BICDL1: variants seen among roughly 807,000 people sequenced by gnomAD.
BICDL1 encodes BICD family-like cargo adapter 1.
In BICDL1, 20 loss-of-function variants were observed where a neutral mutation model predicts 76.8. The observed-to-expected ratio is 0.26, with a 90% CI of 0.18 to 0.38. The LOEUF is 0.38. Among genes scored for constraint, BICDL1 ranks in the 10% least tolerant of loss-of-function variants. The pLI is 1.00. For synonymous variants in BICDL1, 383 were observed against 337.1 expected (o/e 1.14, Z -1.49); for missense variants, 700 against 798.6 (o/e 0.88, Z 1.49).
At chr12:120,039,635 C>T (rs1246373538) in intron 2 of BICDL1, among the ~76,000 whole-genome samples, 2 of 72,608 alleles carry the variant, frequency 2.8e-5, no homozygotes, top group African/African-American at 1.9e-4. Context: ...GAGACTCCGT[C>T]TCAAAAAAAA....
chr12:120,035,024 T>C (rs1204743556), intron 2 of BICDL1, among the ~76,000 whole-genome samples: 1 of 152,198 alleles, frequency 6.6e-6, no homozygotes, highest in African/African-American at 2.4e-5. Context: ...GTTTCTGTAA[T>C]TGTTGCTCCA....
intron 2 of BICDL1, among the ~76,000 whole-genome samples, chr12:120,038,898 G>A (rs1952577330): frequency 6.6e-6 from 1 of 152,140 alleles, no homozygotes; most frequent in Admixed American, 6.5e-5. Context: ...TTCAGGGTGG[G>A]TACTCAGTAC....
chr12:120,091,279 C>T, intron 9 of BICDL1: 3 of 1,102,684 alleles, frequency 2.7e-6, no homozygotes, highest in African/African-American at 3.3e-5. Flanking sequence ...GACCAGCAGG[C>T]CTGGAATGAT....
chr12:120,045,443 C>T (rs150832462), intron 2 of BICDL1, among the ~76,000 whole-genome samples: 11,813 of 152,160 alleles, frequency 0.078, 871 homozygotes, highest in East Asian at 0.4. Flanking sequence ...GACTATAAAT[C>T]ATGCTGCTTT....
At chr12:120,004,815 A>G (rs896889124) in intron 2 of BICDL1, among the ~76,000 whole-genome samples, 12 of 152,004 alleles carry the variant, frequency 7.9e-5, no homozygotes, top group African/African-American at 2.7e-4. Context: ...TAAGTTTTAT[A>G]GATTTGTTTG....
At chr12:120,068,278 G>T (rs964070140) in intron 4 of BICDL1, among the ~76,000 whole-genome samples, 3 of 152,174 alleles carry the variant, frequency 2.0e-5, no homozygotes, top group African/African-American at 7.2e-5. Flanking sequence ...TTTTATAAAA[G>T]AATAAATTAG....
intron 2 of BICDL1, among the ~76,000 whole-genome samples, chr12:120,011,047 C>T (rs1951942631): frequency 6.6e-6 from 1 of 152,206 alleles, no homozygotes; most frequent in Non-Finnish European, 1.5e-5. Flanking sequence ...AGTAGCCTAA[C>T]AGGAATTAAA....
intron 2 of BICDL1, among the ~76,000 whole-genome samples, chr12:120,060,922 A>C (rs1953091261): frequency 6.6e-6 from 1 of 151,926 alleles, no homozygotes; most frequent in Admixed American, 6.6e-5. Context: ...TACTGACCCC[A>C]TTTGGCCTCA....
At chr12:120,042,657 T>C (rs980359520) in intron 2 of BICDL1, among the ~76,000 whole-genome samples, 1 of 151,906 alleles carries the variant, frequency 6.6e-6, no homozygotes, top group African/African-American at 2.4e-5. Flanking sequence ...ATACAAAAAT[T>C]AGCTGCGTTT....
At chr12:120,077,951 C>G (rs973644400) in intron 7 of BICDL1, among the ~76,000 whole-genome samples, 1 of 152,178 alleles carries the variant, frequency 6.6e-6, no homozygotes, top group East Asian at 1.9e-4. Context: ...AGCCGCACAG[C>G]CTGCGTCCCT....
intron 2 of BICDL1, among the ~76,000 whole-genome samples, chr12:120,021,219 G>A (rs1023859044): frequency 1.3e-5 from 2 of 151,952 alleles, no homozygotes; most frequent in African/African-American, 4.8e-5. Flanking sequence ...AGAAGGCAGA[G>A]GTTACAGTGA....
At chr12:120,085,569 G>A (rs940148122) in intron 8 of BICDL1, among the ~76,000 whole-genome samples, 2 of 152,170 alleles carry the variant, frequency 1.3e-5, no homozygotes, top group Non-Finnish European at 2.9e-5. Flanking sequence ...TAGCACTTTG[G>A]GAGGCCAAAA....
At position 120,079,333 on chromosome 12, in the gene BICDL1, G is replaced by A. The variant is rs2138978166; in HGVS notation, c.1453-1554G>A. Among the ~76,000 whole-genome samples the A allele has an allele frequency of 6.6e-6, 1 of 152,320 alleles. No individual in the cohort carries two copies. ...AATGTCTGAAATGTATTGATTTTCAGACACTTCAAGATCAAGGGAAGCTTG... is the reference window on the plus strand; with the variant it reads ...AATGTCTGAAATGTATTGATTTTCAAACACTTCAAGATCAAGGGAAGCTTG... On this transcript the variant is annotated intron_variant, in intron 7 of 9. Transcript: ENST00000548673. This position sits in a 1 kb window ranked among gnomAD's most constrained non-coding sequence, Gnocchi z 4.3.
At position 119,990,093 on chromosome 12, in the gene BICDL1, C is replaced by A; in HGVS notation, c.225C>A (p.His75Gln). 2.6e-6 allele frequency: 4 copies of A among 1,548,664 alleles called. No homozygotes were observed. The highest frequency in any genetic ancestry group is 3.5e-6 in the Non-Finnish European group (4 of 1,146,758). ...AGCGGCCGTCCGACCCCGGGGAACA[C>A]CCTCAGGCCGAGCCTGGGTCTCTGG... ...AGERPSDPGE[H>Q]PQAEPGSLAE... The change falls in exon 1 of 10, where the codon CAC (histidine) becomes CAA (glutamine). Residue 75 changes from histidine (H) to glutamine (Q), a missense_variant. This residue lies in a region of BICDL1 where 225 missense variants were observed against 199.6 expected (regional missense o/e 1.13). Transcript: ENST00000548673.
chr12:120,049,510 C>T (rs915055948), intron 2 of BICDL1, among the ~76,000 whole-genome samples: 6 of 152,114 alleles, frequency 3.9e-5, no homozygotes, highest in African/African-American at 1.4e-4. Flanking sequence ...CTTTTATCTT[C>T]TTTTTCAGAT....
At chr12:120,082,260 C>CTT (rs148148001) in intron 8 of BICDL1, among the ~76,000 whole-genome samples, 20 of 151,220 alleles carry the variant, frequency 1.3e-4, no homozygotes, top group Admixed American at 3.9e-4. Flanking sequence ...TAAACTAGGT[C>CTT]TTTTTTTTTG....
chr12:120,084,591 A>T (rs1874249129), intron 8 of BICDL1, among the ~76,000 whole-genome samples: 3 of 152,142 alleles, frequency 2.0e-5, no homozygotes, highest in Admixed American at 6.5e-5. Flanking sequence ...TCTGACTTTA[A>T]AATTCCTCAT....
chr12:120,028,090 T>C (rs1468155080), intron 2 of BICDL1, among the ~76,000 whole-genome samples: 3 of 152,230 alleles, frequency 2.0e-5, no homozygotes, highest in Non-Finnish European at 4.4e-5. Context: ...GAAGGCTAGC[T>C]GTTAAATGGC....
At position 120,002,199 on chromosome 12, in the gene BICDL1, T is replaced by G. The variant is rs562152201; in HGVS notation, c.645+3463T>G. 5.3e-5 allele frequency among the ~76,000 whole-genome samples: 8 copies of G among 152,298 alleles called. No individual in the cohort carries two copies. In the East Asian group the frequency reaches 1.5e-3, roughly 29 times the overall value. On this transcript the variant is annotated intron_variant, in intron 2 of 9. Transcript: ENST00000548673. ...TAACCTTATAAGGACGCCAACCATA[T>G]TGGATTAGACCCACCCTAATGACCT...
Sources: allele counts gnomAD v4.1 joint callset (sites outside exome capture counted in the v4.1 genomes callset), GRCh38; gene constraint gnomAD v4.1.1; regional missense constraint gnomAD v4.1.1; non-coding constraint Gnocchi (gnomAD v3.1); transcripts MANE v1.5; gene names NCBI Gene and HGNC (gene_info 2026-07-23, HGNC 2026-07-21).